Variants in PDXDC1 observed in about 807,000 individuals in gnomAD.
PDXDC1 encodes pyridoxal dependent decarboxylase domain containing 1.
A neutral mutation model predicts 100.1 loss-of-function variants in PDXDC1; 42 were observed. The observed-to-expected ratio is 0.42, with a 90% CI of 0.33 to 0.54. The LOEUF is 0.54. Ranked by LOEUF, PDXDC1 falls within the 20% of genes least tolerant of loss-of-function variation. The pLI is 0.10. For missense variants in PDXDC1, 636 were observed against 979.2 expected (o/e 0.65, Z 4.68); for synonymous variants, 260 against 371.7 (o/e 0.70, Z 3.46).
chr16:14,977,745 CATT>C (rs1250880124), intron 1 of PDXDC1, among the ~76,000 whole-genome samples: 1 of 152,254 alleles, frequency 6.6e-6, no homozygotes, highest in Non-Finnish European at 1.5e-5. Context: ...TAATTGTGTT[CATT>C]ATTCCTGTTT....
intron 5 of PDXDC1, among the ~76,000 whole-genome samples, chr16:15,005,670 G>T (rs1974103083): frequency 6.6e-6 from 1 of 152,270 alleles, no homozygotes; most frequent in South Asian, 2.1e-4. Flanking sequence ...AGCCTCAGCA[G>T]ATTATAGTAA....
Position 15,133,359 on chromosome 16 carries a change from C to T in PDXDC1, c.1400-5520C>T, listed in dbSNP as rs987025426. 220 of 1,078,974 alleles carry T rather than the reference C, an allele frequency of 2.0e-4. 1 individual carries two copies. Among genetic ancestry groups the T allele is most frequent in the South Asian group, 1.5e-3 (120 of 77,514 alleles). 66.8% of individuals were successfully genotyped at this position (1,078,974 alleles called of 1,614,324 possible). A position where few individuals can be genotyped will look rare whatever the true frequency, so the allele number is the denominator to read the frequency against. ...CCCGGGAGCACACTAGCGGTGAGCC[C>T]GTGCAGCCAGACTGTGAGCCCCATT... is the stretch of plus-strand genomic sequence containing the variant. On this transcript the variant is annotated intron_variant, in intron 16 of 16. Transcript: ENST00000535621.
rs553422214 is a variant in PDXDC1 at position 15,109,259 on chromosome 16, A to T, written c.1400-29620A>T. 3 of 148,686 alleles carry T rather than the reference A, an allele frequency of 2.0e-5. No individual in the cohort carries two copies. In the Admixed American group the frequency reaches 2.0e-4, roughly 10 times the overall value. The allele number at this position is 148,686 out of a possible 1,614,324, so 9.2% of individuals were successfully genotyped here. On this transcript the variant is annotated intron_variant, in intron 16 of 16. Coordinates refer to the PDXDC1 transcript ENST00000535621. ...ACCCAAGCATTGAATTCAACAATCC[A>T]GGCTGGGTGCGGTGGCTCACACCGG...
chr16:14,980,463 A>T (rs941858341), intron 1 of PDXDC1, among the ~76,000 whole-genome samples: 10 of 152,314 alleles, frequency 6.6e-5, no homozygotes, highest in African/African-American at 2.4e-4. Context: ...TTTTTGTGCC[A>T]CGCCCGGCTA....
At chr16:15,027,491 C>A (rs1184057936) in intron 14 of PDXDC1, among the ~76,000 whole-genome samples, 2 of 152,280 alleles carry the variant, frequency 1.3e-5, no homozygotes, top group African/African-American at 4.8e-5. Flanking sequence ...TTAATGTATC[C>A]CAGGTTCTTG....
chr16:15,083,190 G>A (rs929401421), intron 16 of PDXDC1, among the ~76,000 whole-genome samples: 1 of 152,174 alleles, frequency 6.6e-6, no homozygotes, highest in African/African-American at 2.4e-5. Context: ...CACAAGGTCA[G>A]GCGTTCGATA....
the PDXDC1 span, among the ~76,000 whole-genome samples, chr16:15,150,370 T>G: frequency 1.6e-4 from 23 of 146,892 alleles, no homozygotes; most frequent in African/African-American, 5.8e-4. Context: ...AATAAATAAA[T>G]AAATAAATAA....
rs772364061 is a variant in PDXDC1 at position 14,998,327 on chromosome 16, T to C, written c.96-13T>C. 29 of 1,607,660 alleles carry C rather than the reference T, an allele frequency of 1.8e-5. No homozygotes were observed. ...TGAAACAAATGAACAGCTTTTTCTT[T>C]TCTTTAAATTAGAAGAACAGAAGAG... On this transcript the variant is annotated splice_polypyrimidine_tract_variant and intron_variant, in intron 2 of 22. Coordinates refer to ENST00000396410, the MANE Select transcript of PDXDC1 (RefSeq NM_015027.4).
At position 15,104,342 on chromosome 16, in the gene PDXDC1, C is replaced by G. The variant is rs1036379878; in HGVS notation, c.1400-34537C>G. 3.0e-5 allele frequency: 47 copies of G among 1,591,134 alleles called. No individual in the cohort carries two copies. In the Admixed American group the frequency reaches 5.4e-4, roughly 18 times the overall value. ...TTTATTTTTATATTATTTATTTATT[C>G]TTCGTTAGTTTCTTCAGATTATCAT... On this transcript the variant is annotated intron_variant, in intron 16 of 16. Coordinates refer to the PDXDC1 transcript ENST00000535621.
chr16:15,003,198 T>C (rs1432757935), intron 4 of PDXDC1, among the ~76,000 whole-genome samples: 3 of 151,862 alleles, frequency 2.0e-5, no homozygotes, highest in East Asian at 3.9e-4. Flanking sequence ...ATTTGATGCA[T>C]AGACCTGAGA....
chr16:15,122,448 CAA>C (rs2047470320), intron 16 of PDXDC1, among the ~76,000 whole-genome samples: 2 of 143,640 alleles, frequency 1.4e-5, no homozygotes, highest in Admixed American at 7.1e-5. Flanking sequence ...CTCCTGGACT[CAA>C]GTGATCTGCC....
chr16:15,108,195 A>T (rs2046882964), intron 16 of PDXDC1: 1 of 881,582 alleles, frequency 1.1e-6, no homozygotes. Flanking sequence ...CAGAAAAAGG[A>T]AATGGCCTCA....
At chr16:15,040,430 T>G (rs997371740), downstream of PDXDC1, 6 of 220,010 alleles carry the variant, frequency 2.7e-5, no homozygotes, top group African/African-American at 1.1e-4. Context: ...ATCTTCACAA[T>G]TTAGTATTTT....
chr16:15,147,407 A>C, the PDXDC1 span, among the ~76,000 whole-genome samples: 1 of 152,226 alleles, frequency 6.6e-6, no homozygotes, highest in Non-Finnish European at 1.5e-5. Flanking sequence ...CTGGTCTGTA[A>C]AATGAGACCA....
At position 15,004,243 on chromosome 16, in the gene PDXDC1, C is replaced by G. The variant is rs1421427945; in HGVS notation, c.299C>G (p.Ala100Gly). ...GCTTTGTTGGGACATAGTCTGGGAG[C>G]TTATATTTCAACTCTGGACAAAGAG... ...HMALLGHSLG[A>G]YISTLDKEKL... Residue 100 changes from alanine to glycine, a missense_variant, in exon 5 of 23, where the codon GCT (alanine) becomes GGT (glycine). Coordinates refer to ENST00000396410, the MANE Select transcript of PDXDC1 (RefSeq NM_015027.4). 6.2e-7 allele frequency: 1 copy of G among 1,614,166 alleles called. No homozygotes were observed. Among genetic ancestry groups the G allele is most frequent in the Non-Finnish European group, 8.5e-7 (1 of 1,179,988 alleles).
the PDXDC1 span, among the ~76,000 whole-genome samples, chr16:15,150,536 G>T: frequency 6.6e-6 from 1 of 150,934 alleles, no homozygotes; most frequent in Non-Finnish European, 1.5e-5. Context: ...GGGCGTGGTG[G>T]CGCGCGCCTG....
At chr16:15,061,757 G>A (rs2044720857) in intron 16 of PDXDC1, 2 of 1,612,812 alleles carry the variant, frequency 1.2e-6, no homozygotes, top group Non-Finnish European at 1.7e-6. Flanking sequence ...GAGGGGACTG[G>A]GTTGCATGTA....
intron 1 of PDXDC1, chr16:14,977,029 T>A (rs1033025954): frequency 6.6e-6 from 1 of 152,430 alleles, no homozygotes; most frequent in South Asian, 2.1e-4. Flanking sequence ...AAATATTACT[T>A]TTCTGGCATT....
chr16:15,063,700 G>C (rs1376348182), intron 16 of PDXDC1, among the ~76,000 whole-genome samples: 44 of 78,268 alleles, frequency 5.6e-4, no homozygotes, highest in African/African-American at 1.8e-3. Context: ...GCAAGACTCT[G>C]TCTCAAAAAA....
Sources: gnomAD v4.1 joint callset for allele counts (sites outside exome capture counted in the v4.1 genomes callset) on GRCh38, gnomAD v4.1.1 for gene constraint, MANE v1.5 for transcripts, NCBI Gene and HGNC (gene_info 2026-07-23, HGNC 2026-07-21) for gene names.